PDE1C: variants seen among roughly 807,000 people sequenced by gnomAD.
The protein encoded by PDE1C is phosphodiesterase 1C, also known as dual specificity calcium/calmodulin-dependent 3',5'-cyclic nucleotide phosphodiesterase 1C.
In PDE1C, 62 loss-of-function variants were observed where a neutral mutation model predicts 93.1. That is an observed-to-expected ratio of 0.67 (90% CI 0.54 to 0.82). The LOEUF is 0.82. PDE1C is among the 40% of genes least tolerant of loss of function. PDE1C has a pLI of 0.00. For missense variants in PDE1C, 742 were observed against 884.6 expected (o/e 0.84, Z 2.04); for synonymous variants, 325 against 310.1 (o/e 1.05, Z -0.50).
intron 2 of PDE1C, among the ~76,000 whole-genome samples, chr7:32,020,296 G>A (rs962312202): frequency 6.6e-6 from 1 of 152,062 alleles, no homozygotes; most frequent in African/African-American, 2.4e-5. Flanking sequence ...ACTGGGATAT[G>A]AAGAAGTCAA....
chr7:31,722,867 T>G, the PDE1C span, among the ~76,000 whole-genome samples: 1 of 152,222 alleles, frequency 6.6e-6, no homozygotes, highest in Non-Finnish European at 1.5e-5. Flanking sequence ...CAGTTCGTTT[T>G]CAGTTTTTCT....
At chr7:32,050,545 C>G (rs1793205805) in intron 2 of PDE1C, among the ~76,000 whole-genome samples, 1 of 151,890 alleles carries the variant, frequency 6.6e-6, no homozygotes, top group South Asian at 2.1e-4. Flanking sequence ...TGTTAATTTG[C>G]TTGACTGTAA....
chr7:31,965,469 A>G (rs898830098), intron 2 of PDE1C, among the ~76,000 whole-genome samples: 2 of 152,246 alleles, frequency 1.3e-5, no homozygotes, highest in Admixed American at 6.5e-5. Flanking sequence ...GAAAAGACCA[A>G]ATCTACATCT....
rs1245444243 is a variant in PDE1C, at chr7:31,841,225, C to CTATATATA, written c.981-3255_981-3254insTATATATA. ...CCTCTCTCTGTCTCTCTCTCTCTCT[C>CTATATATA]TCTATATATATATATATATGTATAT... On this transcript the variant is annotated intron_variant, in intron 9 of 17. Transcript: ENST00000396191. 4.3e-3 allele frequency among the ~76,000 whole-genome samples: 382 copies of CTATATATA among 89,624 alleles called. 1 individual carries two copies. Among genetic ancestry groups the CTATATATA allele is most frequent in the Non-Finnish European group, 5.9e-3 (272 of 46,204 alleles). The allele number at this position is 89,624 out of a possible 152,430, so 58.8% of individuals were successfully genotyped here.
chr7:32,208,908 G>A (rs1201936756), intron 2 of PDE1C, among the ~76,000 whole-genome samples: 1 of 152,176 alleles, frequency 6.6e-6, no homozygotes, highest in Admixed American at 6.5e-5. Context: ...CAATGCCTAA[G>A]GAAACCCATT....
chr7:32,178,456 T>C (rs1052926174), intron 2 of PDE1C, among the ~76,000 whole-genome samples: 1 of 152,256 alleles, frequency 6.6e-6, no homozygotes, highest in African/African-American at 2.4e-5. Flanking sequence ...TAAGCTGATG[T>C]TGAAAGCATG....
chr7:32,193,294 A>C (rs530030568), intron 2 of PDE1C, among the ~76,000 whole-genome samples: 54 of 152,238 alleles, frequency 3.5e-4, no homozygotes, highest in Non-Finnish European at 7.1e-4. Context: ...GTTTTTGTAG[A>C]TCTTCCTTAT....
intron 3 of PDE1C, among the ~76,000 whole-genome samples, chr7:32,147,709 T>C (rs1198124587): frequency 6.6e-6 from 1 of 150,566 alleles, no homozygotes; most frequent in Non-Finnish European, 1.5e-5. Context: ...CCACCCCCCC[T>C]CCAAGCATTG....
intron 2 of PDE1C, among the ~76,000 whole-genome samples, chr7:31,949,156 G>A (rs1181126294): frequency 3.9e-5 from 6 of 151,940 alleles, no homozygotes; most frequent in African/African-American, 1.2e-4. Flanking sequence ...ATCTAGTTGG[G>A]GCTAAAAAAA....
At chr7:32,131,942 C>CTAG (rs913714593) in intron 3 of PDE1C, among the ~76,000 whole-genome samples, 2 of 151,584 alleles carry the variant, frequency 1.3e-5, no homozygotes, top group African/African-American at 4.8e-5. Flanking sequence ...AGTAGTAGCA[C>CTAG]TAGTAGTAGT....
At chr7:32,369,902 C>A (rs959157428) in intron 1 of PDE1C, among the ~76,000 whole-genome samples, 1 of 152,132 alleles carries the variant, frequency 6.6e-6, no homozygotes. Flanking sequence ...ACTAGTTCAA[C>A]CATTGTGGAA....
intron 3 of PDE1C, among the ~76,000 whole-genome samples, chr7:32,110,676 G>A (rs1798591112): frequency 1.3e-5 from 2 of 152,142 alleles, no homozygotes; most frequent in Admixed American, 1.3e-4. Flanking sequence ...ATCAGAGGCA[G>A]GTGGGAAGTA....
At chr7:31,850,813 C>A in intron 7 of PDE1C, 72 bp from the exon 8 acceptor site, 8 of 1,056,740 alleles carry the variant, frequency 7.6e-6, no homozygotes, top group Non-Finnish European at 1.2e-5. Context: ...GACAACACAC[C>A]CACAGTGCTG....
the PDE1C span, among the ~76,000 whole-genome samples, chr7:31,682,641 T>C: frequency 6.6e-6 from 1 of 152,156 alleles, no homozygotes; most frequent in African/African-American, 2.4e-5. Flanking sequence ...CTAGAGAAAT[T>C]AAAACTTATG....
chr7:32,130,358 C>T (rs1799848090), intron 3 of PDE1C, among the ~76,000 whole-genome samples: 1 of 152,010 alleles, frequency 6.6e-6, no homozygotes. Flanking sequence ...CAAATTAGGT[C>T]AAGACATGAA....
chr7:31,804,576 G>A (rs528166677), intron 16 of PDE1C, among the ~76,000 whole-genome samples: 2 of 151,892 alleles, frequency 1.3e-5, no homozygotes, highest in South Asian at 4.1e-4. Context: ...CAATTGCATT[G>A]ATAGAAGATT....
At position 32,051,589 on chromosome 7, in the gene PDE1C, A is replaced by C. The variant is rs772849109; in HGVS notation, c.102-9T>G. ...TTTTCTTATATTTCCTCCTGTAAGA[A>C]AAGGCATAAACATATATCAGAAAAG... On this transcript the variant is annotated splice_polypyrimidine_tract_variant and intron_variant, in intron 1 of 17. Coordinates refer to ENST00000396191, the MANE Select transcript of PDE1C (RefSeq NM_001191057.4). 1.1e-5 allele frequency: 18 copies of C among 1,613,206 alleles called. 1 individual carries two copies. In the South Asian group the frequency reaches 2.0e-4, roughly 18 times the overall value.
chr7:31,925,569 C>A (rs1015191115), intron 2 of PDE1C, among the ~76,000 whole-genome samples: 1 of 152,122 alleles, frequency 6.6e-6, no homozygotes, highest in Non-Finnish European at 1.5e-5. Context: ...ATAATTACAT[C>A]GAAATCTTTT....
At chr7:31,658,175 T>C in the PDE1C span, 1 of 1,099,734 alleles carries the variant, frequency 9.1e-7, no homozygotes, top group Non-Finnish European at 1.2e-6. Flanking sequence ...GCCATGTAGA[T>C]TTGTGTAAGG....
Sources: allele counts gnomAD v4.1 joint callset (sites outside exome capture counted in the v4.1 genomes callset), GRCh38; gene constraint gnomAD v4.1.1; transcripts MANE v1.5; gene names NCBI Gene and HGNC (gene_info 2026-07-23, HGNC 2026-07-21).